Variants in NAV2 observed in about 807,000 individuals in gnomAD.
NAV2 encodes neuron navigator 2.
NAV2 carries 54 observed loss-of-function variants against 223.2 expected under a neutral mutation model. The observed-to-expected ratio is 0.24, with a 90% CI of 0.19 to 0.30. The LOEUF is 0.30. Ranked by LOEUF, NAV2 falls within the 10% of genes least tolerant of loss-of-function variation. The pLI, the probability that NAV2 is intolerant of heterozygous loss-of-function variation, is 1.00. For missense variants in NAV2, 2,806 were observed against 3,147.5 expected (o/e 0.89, Z 2.60); for synonymous variants, 1,279 against 1,239.3 (o/e 1.03, Z -0.67).
At chr11:19,749,835 A>G (rs1175004072) in intron 1 of NAV2, among the ~76,000 whole-genome samples, 1 of 152,258 alleles carries the variant, frequency 6.6e-6, no homozygotes, top group Non-Finnish European at 1.5e-5. Flanking sequence ...TGCAAAGTCC[A>G]CAAAATCTCC....
At chr11:19,928,931 G>A (rs986894103) in intron 6 of NAV2, among the ~76,000 whole-genome samples, 3 of 152,142 alleles carry the variant, frequency 2.0e-5, no homozygotes, top group Non-Finnish European at 2.9e-5. Context: ...AAAGCTTCAT[G>A]CTAGGAGTCA....
At chr11:19,923,629 A>G (rs1348983777) in intron 6 of NAV2, among the ~76,000 whole-genome samples, 1 of 152,232 alleles carries the variant, frequency 6.6e-6, no homozygotes, top group Non-Finnish European at 1.5e-5. Flanking sequence ...CTATCTTAGA[A>G]GGATGTATTT....
At position 19,717,235 on chromosome 11, in the gene NAV2, G is replaced by A. The variant is rs117794423; in HGVS notation, c.267+3273G>A. 3.2e-3 allele frequency among the ~76,000 whole-genome samples: 481 copies of A among 152,340 alleles called. 16 individuals carry two copies. In the East Asian group the frequency reaches 0.056, roughly 18 times the overall value. ...CTTCATTGCTTTCTTTTTCCATCCT[G>A]CTCTGGCAGATCTACGAGGCAAATA... On this transcript the variant is annotated intron_variant, in intron 1 of 37. Transcript: ENST00000349880.
intron 1 of NAV2, among the ~76,000 whole-genome samples, chr11:19,371,688 T>C (rs1205512307): frequency 6.6e-6 from 1 of 151,988 alleles, no homozygotes; most frequent in African/African-American, 2.4e-5. Context: ...ACTCCAAAAT[T>C]TGACTTCCCT....
intron 10 of NAV2, among the ~76,000 whole-genome samples, chr11:19,950,858 C>T (rs1293884333): frequency 6.6e-6 from 1 of 152,188 alleles, no homozygotes; most frequent in African/African-American, 2.4e-5. Flanking sequence ...TTAGGTTCTA[C>T]AAAGTACGGG....
At chr11:20,064,926 T>G (rs2058945437) in intron 20 of NAV2, among the ~76,000 whole-genome samples, 1 of 152,180 alleles carries the variant, frequency 6.6e-6, no homozygotes, top group African/African-American at 2.4e-5. Context: ...CAAGGTGATC[T>G]TCTGAGGCCC....
chr11:19,646,920 C>T (rs911957314), intron 1 of NAV2, among the ~76,000 whole-genome samples: 3 of 152,178 alleles, frequency 2.0e-5, no homozygotes, highest in African/African-American at 7.2e-5. Context: ...TCAGGCACTA[C>T]AGGAGGACAG....
chr11:19,376,174 T>C (rs1330022562), intron 1 of NAV2, among the ~76,000 whole-genome samples: 1 of 152,244 alleles, frequency 6.6e-6, no homozygotes, highest in Non-Finnish European at 1.5e-5. Context: ...TTTTCTATTT[T>C]CTGTAGTTAC....
Position 20,077,586 on chromosome 11 carries a change from G to A in NAV2, c.5018G>A (p.Gly1673Asp). The change falls in exon 23 of 38, where the codon GGT (glycine) becomes GAT (aspartate). Residue 1673 changes from glycine to aspartate, a missense_variant. Physicochemically the swap from Gly to Asp is moderately conservative, Grantham distance 94 (BLOSUM62 -1). Coordinates refer to ENST00000349880, the MANE Select transcript of NAV2 (RefSeq NM_145117.5). ...HLVAAFEQSL[G>D]NMTIRLQSLT... Reference sequence around the variant, plus strand: ...GTGGCAGCCTTTGAACAGAGTCTTGGTAACATGACAATCAGGCTCCAGAGT... The same window carrying A: ...GTGGCAGCCTTTGAACAGAGTCTTGATAACATGACAATCAGGCTCCAGAGT... 1.2e-6 allele frequency: 2 copies of A among 1,614,104 alleles called. No homozygotes were observed. The highest frequency in any genetic ancestry group is 1.7e-6 in the Non-Finnish European group (2 of 1,179,966).
chr11:19,925,592 T>C (rs1163745258), intron 6 of NAV2, among the ~76,000 whole-genome samples: 1 of 151,966 alleles, frequency 6.6e-6, no homozygotes, highest in Non-Finnish European at 1.5e-5. Flanking sequence ...CTACTAAAAA[T>C]ACAAAAATTA....
chr11:20,118,296 C>T lies in NAV2; in HGVS notation c.*38C>T. On this transcript the variant is annotated 3_prime_UTR_variant, in exon 38 of 38. Transcript: ENST00000349880. ...GCCCAGCGCCCTCCTCTTCTCCTCA[C>T]CGCATTCCACCTGCATCCCCCACAT... is the stretch of plus-strand genomic sequence containing the variant. 1.2e-6 allele frequency: 2 copies of T among 1,607,912 alleles called. No homozygotes were observed. Among genetic ancestry groups the T allele is most frequent in the Non-Finnish European group, 1.7e-6 (2 of 1,177,422 alleles).
chr11:19,879,823 G>C, intron 4 of NAV2, 46 bp from the exon 5 acceptor site: 1 of 1,612,364 alleles, frequency 6.2e-7, no homozygotes, highest in Non-Finnish European at 8.5e-7. Context: ...CATTGAACAG[G>C]AAGAAGAGCT....
At chr11:19,483,168 C>G (rs12422007) in intron 1 of NAV2, among the ~76,000 whole-genome samples, 2 of 152,370 alleles carry the variant, frequency 1.3e-5, no homozygotes, top group East Asian at 3.9e-4. Context: ...AGTAGCCCCC[C>G]ACTTATCCAT....
chr11:19,800,318 C>G (rs2058165543), intron 1 of NAV2, among the ~76,000 whole-genome samples: 1 of 152,196 alleles, frequency 6.6e-6, no homozygotes, highest in African/African-American at 2.4e-5. Context: ...GAGCAGCCCA[C>G]AGTCTCACAT....
intron 1 of NAV2, among the ~76,000 whole-genome samples, chr11:19,723,510 T>TCAAACCTC (rs1168783313): frequency 6.6e-6 from 1 of 152,212 alleles, no homozygotes; most frequent in Non-Finnish European, 1.5e-5. Context: ...CTTTAGATAA[T>TCAAACCTC]CAAACCTCCA....
intron 6 of NAV2, among the ~76,000 whole-genome samples, chr11:19,929,141 C>T (rs893226951): frequency 1.5e-4 from 23 of 152,000 alleles, no homozygotes; most frequent in African/African-American, 5.1e-4. Context: ...TGGTGGTACT[C>T]GTCTGTAAGG....
At chr11:19,802,863 A>G (rs1312378369) in intron 1 of NAV2, among the ~76,000 whole-genome samples, 1 of 152,142 alleles carries the variant, frequency 6.6e-6, no homozygotes, top group East Asian at 1.9e-4. Context: ...GCACAAATTT[A>G]GAATGTATTT....
intron 17 of NAV2, among the ~76,000 whole-genome samples, chr11:20,051,900 TAAAG>T (rs2153604498): frequency 6.6e-6 from 1 of 152,298 alleles, no homozygotes; most frequent in African/African-American, 2.4e-5. Flanking sequence ...TGGTGGATAA[TAAAG>T]AAAAGACTCC....
rs769296476 is a variant in NAV2 at position 19,933,203 on chromosome 11, A to G, written c.959A>G (p.His320Arg). 18 of 1,545,532 alleles carry G rather than the reference A, an allele frequency of 1.2e-5. No homozygotes were observed. In the South Asian group the frequency reaches 2.2e-4, roughly 19 times the overall value. Residue 320 changes from histidine to arginine, a missense_variant, in exon 7 of 38, where the codon CAC becomes CGC. By Grantham distance (29) the His-to-Arg change is conservative. Transcript: ENST00000349880. This position sits in a 1 kb window ranked among gnomAD's most constrained non-coding sequence, Gnocchi z 4.3. The stretch of plus-strand genomic sequence containing the variant: ...CCTTTGGCAAGTTCAGCCTCCTCCC[A>G]CCCCGGAATGAGTGACAATGCACCT... ...KEPLASSASS[H>R]PGMSDNAPAS... is the part of the protein sequence containing the mutation.
Sources: gnomAD v4.1 joint callset for allele counts (sites outside exome capture counted in the v4.1 genomes callset) on GRCh38, gnomAD v4.1.1 for gene constraint, Gnocchi (gnomAD v3.1) non-coding constraint, MANE v1.5 for transcripts, NCBI Gene and HGNC (gene_info 2026-07-23, HGNC 2026-07-21) for gene names.